CATSPERT: variants seen among roughly 807,000 people sequenced by gnomAD.
CATSPERT encodes cation channel sperm-associated targeting subunit tau.
At chr2:201,524,064 A>G in the CATSPERT span, among the ~76,000 whole-genome samples, 1 of 152,226 alleles carries the variant, frequency 6.6e-6, no homozygotes, top group Admixed American at 6.5e-5. Context: ...CTTGGAAAAT[A>G]TATTTCAGGA....
At chr2:201,507,484 A>G in the CATSPERT span, among the ~76,000 whole-genome samples, 1 of 152,194 alleles carries the variant, frequency 6.6e-6, no homozygotes, top group African/African-American at 2.4e-5. Context: ...ATACTTCATC[A>G]ATAAGAATTT....
At chr2:201,591,129 A>C in the CATSPERT span, among the ~76,000 whole-genome samples, 1 of 152,152 alleles carries the variant, frequency 6.6e-6, no homozygotes, top group Non-Finnish European at 1.5e-5. Context: ...CTAACGTTTT[A>C]AGTCTTTAAT....
chr2:201,616,283 A>C, the CATSPERT span, among the ~76,000 whole-genome samples: 1 of 152,354 alleles, frequency 6.6e-6, no homozygotes, highest in African/African-American at 2.4e-5. Flanking sequence ...AATATCCCTG[A>C]TGAACATCGA....
At chr2:201,511,871 A>C in the CATSPERT span, 13 of 130,626 alleles carry the variant, frequency 1.0e-4, no homozygotes, top group African/African-American at 3.4e-4. Flanking sequence ...AAAAAAAAAA[A>C]AACTCTTCTT....
At chr2:201,613,971 C>G in the CATSPERT span, among the ~76,000 whole-genome samples, 1 of 151,796 alleles carries the variant, frequency 6.6e-6, no homozygotes, top group Non-Finnish European at 1.5e-5. Flanking sequence ...GATTGAAGAT[C>G]AAATGAATGA....
chr2:201,608,122 A>G, the CATSPERT span, among the ~76,000 whole-genome samples: 3 of 152,186 alleles, frequency 2.0e-5, no homozygotes, highest in Non-Finnish European at 4.4e-5. Flanking sequence ...GCTGGGACTC[A>G]TATAGGGTAA....
chr2:201,603,442 G>A, the CATSPERT span, among the ~76,000 whole-genome samples: 4 of 151,926 alleles, frequency 2.6e-5, no homozygotes. Context: ...AGAAATCATC[G>A]GAAAGCAGAA....
At chr2:201,515,201 AGTTTTTTTTTTTTTTTTT>A in the CATSPERT span, among the ~76,000 whole-genome samples, 1,026 of 70,266 alleles carry the variant, frequency 0.015, 182 homozygotes, top group Admixed American at 0.023. Context: ...ATCTGCCCAT[AGTTTTTTTTTTTTTTTTT>A]TTTTTTTTTT....
At chr2:201,606,259 A>G in the CATSPERT span, among the ~76,000 whole-genome samples, 9 of 152,246 alleles carry the variant, frequency 5.9e-5, no homozygotes, top group Non-Finnish European at 1.0e-4. Context: ...TAGTAAGATT[A>G]TTAGGCTTTA....
At chr2:201,614,915 C>A in the CATSPERT span, among the ~76,000 whole-genome samples, 2 of 152,148 alleles carry the variant, frequency 1.3e-5, no homozygotes, top group African/African-American at 4.8e-5. Flanking sequence ...CAATGCTAGT[C>A]TCTGATAAAA....
At chr2:201,545,429 T>TA in the CATSPERT span, 13 of 705,382 alleles carry the variant, frequency 1.8e-5, no homozygotes, top group Non-Finnish European at 3.0e-5. Flanking sequence ...AATGCCTATT[T>TA]ATTTCCTAAC....
At chr2:201,517,808 A>T in the CATSPERT span, among the ~76,000 whole-genome samples, 1 of 152,136 alleles carries the variant, frequency 6.6e-6, no homozygotes, top group Non-Finnish European at 1.5e-5. Flanking sequence ...AACTTGACCC[A>T]CCTCAAGATG....
At chr2:201,576,203 T>G in the CATSPERT span, among the ~76,000 whole-genome samples, 5 of 152,298 alleles carry the variant, frequency 3.3e-5, no homozygotes, top group South Asian at 1.0e-3. Flanking sequence ...CATTTTATAT[T>G]TCGTAGGGCA....
chr2:201,487,632 T>C, the CATSPERT span: 1 of 1,611,496 alleles, frequency 6.2e-7, no homozygotes, highest in South Asian at 1.1e-5. Context: ...CTTTTAATTT[T>C]TTTTGGCCGC....
At chr2:201,538,913 G>A in the CATSPERT span, among the ~76,000 whole-genome samples, 1 of 152,148 alleles carries the variant, frequency 6.6e-6, no homozygotes, top group Non-Finnish European at 1.5e-5. Flanking sequence ...GTAAGAACAT[G>A]TGGTATTTAG....
the CATSPERT span, among the ~76,000 whole-genome samples, chr2:201,592,970 T>A: frequency 6.6e-5 from 10 of 152,194 alleles, no homozygotes; most frequent in Non-Finnish European, 1.5e-4. Flanking sequence ...GTTTTTTGTG[T>A]CTCTATTTCC....
At chr2:201,494,623 T>C in the CATSPERT span, 26 of 1,537,230 alleles carry the variant, frequency 1.7e-5, no homozygotes, top group Admixed American at 3.5e-4. Flanking sequence ...AGGAGGATCC[T>C]GGTCTTCATG....
At chr2:201,533,653 T>C in the CATSPERT span, among the ~76,000 whole-genome samples, 1 of 152,160 alleles carries the variant, frequency 6.6e-6, no homozygotes, top group African/African-American at 2.4e-5. Context: ...AGCATGACAT[T>C]GAGGATCTTG....
the CATSPERT span, among the ~76,000 whole-genome samples, chr2:201,613,257 A>T: frequency 2.6e-5 from 4 of 152,236 alleles, no homozygotes; most frequent in African/African-American, 9.6e-5. Flanking sequence ...TGCCTCCTCA[A>T]GTGGGTCCCT....
Sources: allele counts gnomAD v4.1 joint callset (sites outside exome capture counted in the v4.1 genomes callset), GRCh38; gene constraint gnomAD v4.1.1; transcripts MANE v1.5; gene names NCBI Gene and HGNC (gene_info 2026-07-23, HGNC 2026-07-21).